DPF3: variants seen among roughly 807,000 people sequenced by gnomAD.
DPF3 encodes double PHD fingers 3.
A neutral mutation model predicts 56.8 loss-of-function variants in DPF3; 18 were observed. The observed-to-expected ratio is 0.32, with a 90% CI of 0.22 to 0.47. The LOEUF is 0.47. Ranked by LOEUF, DPF3 falls within the 20% of genes least tolerant of loss-of-function variation. DPF3 has a pLI of 1.00. For missense variants in DPF3, 403 were observed against 488.8 expected (o/e 0.82, Z 1.65); for synonymous variants, 188 against 180.2 (o/e 1.04, Z -0.35).
chr14:72,636,741 T>C (rs1161467757), intron 8 of DPF3, among the ~76,000 whole-genome samples: 1 of 152,244 alleles, frequency 6.6e-6, no homozygotes, highest in Admixed American at 6.5e-5. Context: ...TGCCCCCAGA[T>C]GTTACTTCTA....
intron 1 of DPF3, among the ~76,000 whole-genome samples, chr14:72,865,006 G>C (rs1002543313): frequency 6.6e-6 from 1 of 152,222 alleles, no homozygotes. Context: ...TTGCTTAGAT[G>C]ACAGTGAACT....
At chr14:72,831,985 A>T (rs1394996222) in intron 1 of DPF3, among the ~76,000 whole-genome samples, 2 of 152,206 alleles carry the variant, frequency 1.3e-5, no homozygotes, top group Non-Finnish European at 2.9e-5. Flanking sequence ...TGGGAAGCCA[A>T]GGTGGGAGGA....
At chr14:72,829,323 A>G (rs574014304) in intron 1 of DPF3, among the ~76,000 whole-genome samples, 120 of 152,330 alleles carry the variant, frequency 7.9e-4, no homozygotes, top group African/African-American at 2.7e-3. Context: ...GAGCCCCAAG[A>G]ACCCATCACC....
At chr14:72,712,014 A>C (rs1304814419) in intron 6 of DPF3, among the ~76,000 whole-genome samples, 1 of 151,926 alleles carries the variant, frequency 6.6e-6, no homozygotes, top group Non-Finnish European at 1.5e-5. Context: ...AATAAAGTCT[A>C]TTAATCACCG....
chr14:72,777,024 T>C (rs1056065178), intron 1 of DPF3, among the ~76,000 whole-genome samples: 1 of 152,172 alleles, frequency 6.6e-6, no homozygotes, highest in Admixed American at 6.5e-5. Flanking sequence ...CAAGTCCCCT[T>C]TGCTGTGTAA....
intron 1 of DPF3, among the ~76,000 whole-genome samples, chr14:72,865,198 C>T (rs925986964): frequency 1.3e-5 from 2 of 152,174 alleles, no homozygotes; most frequent in Non-Finnish European, 1.5e-5. Flanking sequence ...AGGTCCCAGG[C>T]ATTTACTCTG....
chr14:72,695,571 CTGCA>C (rs1887865782), intron 6 of DPF3, among the ~76,000 whole-genome samples: 1 of 152,200 alleles, frequency 6.6e-6, no homozygotes, highest in Admixed American at 6.5e-5. Flanking sequence ...TGGCCTCCAG[CTGCA>C]TCCATGTTGC....
chr14:72,610,330 C>A lies in DPF3; in HGVS notation c.*8967G>T, dbSNP rs1301387205. ...GAGCAGCAGGTAGGCAGCTCATTCC[C>A]AGGGACCTGGTCATCCTTCCTACCA... On this transcript the variant is annotated 3_prime_UTR_variant, in exon 11 of 11. Transcript: ENST00000556509. Among the ~76,000 whole-genome samples the A allele has an allele frequency of 6.6e-6, 1 of 152,206 alleles. No homozygotes were observed. The highest frequency in any genetic ancestry group is 1.5e-5 in the Non-Finnish European group (1 of 68,038).
intron 1 of DPF3, among the ~76,000 whole-genome samples, chr14:72,817,542 C>T (rs545200186): frequency 1.3e-5 from 2 of 152,148 alleles, no homozygotes; most frequent in East Asian, 1.9e-4. Context: ...GGCATGGTGG[C>T]GCAAGCCGGT....
chr14:72,868,038 A>T (rs546117311), intron 1 of DPF3, among the ~76,000 whole-genome samples: 2 of 152,278 alleles, frequency 1.3e-5, no homozygotes, highest in African/African-American at 4.8e-5. Flanking sequence ...CCCAGCCAGA[A>T]GAAGTGAGAA....
At chr14:72,814,789 G>A (rs989816569) in intron 1 of DPF3, among the ~76,000 whole-genome samples, 23 of 150,762 alleles carry the variant, frequency 1.5e-4, no homozygotes, top group Non-Finnish European at 2.2e-4. Flanking sequence ...CAGCCTAGGC[G>A]ACAGAGCGAG....
rs548132183 is a variant in DPF3 at position 72,864,165 on chromosome 14, C to T, written c.32+29892G>A. Among the ~76,000 whole-genome samples, 4 of 148,838 alleles carry T rather than the reference C, an allele frequency of 2.7e-5. No homozygotes were observed. The South Asian group carries it at 8.8e-4, about 33-fold the overall frequency. ...CCACCCCCATACACACTCCCCAGGG[C>T]TCACACCCAGCTCAGGGCCTGGGCA... On this transcript the variant is annotated intron_variant, in intron 1 of 10. Transcript: ENST00000556509.
intron 1 of DPF3, among the ~76,000 whole-genome samples, chr14:72,848,260 T>G (rs1884839067): frequency 6.6e-6 from 1 of 151,868 alleles, no homozygotes; most frequent in Non-Finnish European, 1.5e-5. Flanking sequence ...GCCTCCTGGG[T>G]TCAAGCGATT....
intron 1 of DPF3, among the ~76,000 whole-genome samples, chr14:72,885,012 G>A (rs533143346): frequency 6.3e-5 from 8 of 126,728 alleles, no homozygotes; most frequent in East Asian, 4.8e-4. Flanking sequence ...CCAGCTACTC[G>A]GGAGGCTGAG....
At chr14:72,730,210 T>C (rs940127670) in intron 4 of DPF3, among the ~76,000 whole-genome samples, 1 of 151,072 alleles carries the variant, frequency 6.6e-6, no homozygotes, top group Non-Finnish European at 1.5e-5. Context: ...GGAGAGGGGA[T>C]GCGGGAGAAC....
At chr14:72,706,581 T>A (rs1351244663) in intron 6 of DPF3, among the ~76,000 whole-genome samples, 1 of 152,018 alleles carries the variant, frequency 6.6e-6, no homozygotes, top group African/African-American at 2.4e-5. Flanking sequence ...CAAAATGACT[T>A]TCTCGATGTC....
At chr14:72,771,916 G>A (rs776925250) in intron 1 of DPF3, 23 bp from the exon 2 acceptor site, 2 of 1,543,174 alleles carry the variant, frequency 1.3e-6, no homozygotes, top group Non-Finnish European at 1.7e-6. Context: ...GAGAGTGAAG[G>A]GGTGAGGCCA....
chr14:72,656,415 G>T (rs1299994678), intron 8 of DPF3, among the ~76,000 whole-genome samples: 1 of 152,138 alleles, frequency 6.6e-6, no homozygotes, highest in Non-Finnish European at 1.5e-5. Flanking sequence ...CTATAATTGT[G>T]CCTTGCCAGG....
At chr14:72,776,142 T>C (rs1183313848) in intron 1 of DPF3, among the ~76,000 whole-genome samples, 1 of 152,074 alleles carries the variant, frequency 6.6e-6, no homozygotes, top group Admixed American at 6.5e-5. Flanking sequence ...CATGGGACAG[T>C]CCCAGCCATC....
Sources: gnomAD v4.1 joint callset for allele counts (sites outside exome capture counted in the v4.1 genomes callset) on GRCh38, gnomAD v4.1.1 for gene constraint, MANE v1.5 for transcripts, NCBI Gene and HGNC (gene_info 2026-07-23, HGNC 2026-07-21) for gene names.